JAZF1: variants seen among roughly 807,000 people sequenced by gnomAD.
JAZF1 encodes the protein JAZF zinc finger 1, also known as juxtaposed with another zinc finger protein 1.
JAZF1 carries 8 observed loss-of-function variants against 26.4 expected under a neutral mutation model. The ratio of observed to expected loss-of-function variants is 0.30; its 90% CI spans 0.18 to 0.55. The LOEUF is 0.55. JAZF1 is among the 20% of genes least tolerant of loss of function. JAZF1 has a pLI of 0.94. For synonymous variants in JAZF1, 126 were observed against 122.3 expected (o/e 1.03, Z -0.20); for missense variants, 199 against 322.0 (o/e 0.62, Z 2.92).
intron 1 of JAZF1, among the ~76,000 whole-genome samples, chr7:28,066,723 G>A (rs906844121): frequency 7.3e-5 from 11 of 151,484 alleles, no homozygotes; most frequent in African/African-American, 2.7e-4. Flanking sequence ...AGAAGTGTCT[G>A]TGCTTGCCTC....
chr7:28,144,236 T>C (rs910022464), intron 1 of JAZF1, among the ~76,000 whole-genome samples: 1 of 152,180 alleles, frequency 6.6e-6, no homozygotes. Context: ...GCTTAGCCCC[T>C]AGCCAGTAAT....
At chr7:28,079,235 C>T (rs906281636) in intron 1 of JAZF1, among the ~76,000 whole-genome samples, 6 of 152,192 alleles carry the variant, frequency 3.9e-5, no homozygotes, top group African/African-American at 1.2e-4. Flanking sequence ...TCAGGTGATC[C>T]GCCTGCTTGG....
chr7:27,846,718 C>G (rs963117254), intron 3 of JAZF1, among the ~76,000 whole-genome samples: 19 of 152,124 alleles, frequency 1.2e-4, no homozygotes, highest in African/African-American at 4.6e-4. Context: ...GTGATGCGCA[C>G]CTTTTCATAT....
At chr7:27,994,254 G>T (rs1016059694) in intron 1 of JAZF1, among the ~76,000 whole-genome samples, 1 of 152,112 alleles carries the variant, frequency 6.6e-6, no homozygotes, top group Non-Finnish European at 1.5e-5. Flanking sequence ...ACTGCATCTT[G>T]TAATCTTGAT....
chr7:27,988,012 CACTCCCTA>C, intron 2 of JAZF1, among the ~76,000 whole-genome samples: 1 of 152,114 alleles, frequency 6.6e-6, no homozygotes, highest in Non-Finnish European at 1.5e-5. Context: ...GAGTCATCAC[CACTCCCTA>C]ATCTCAAGTA....
intron 3 of JAZF1, among the ~76,000 whole-genome samples, chr7:27,852,130 C>CAT (rs1783162532): frequency 8.0e-6 from 1 of 125,256 alleles, no homozygotes; most frequent in Non-Finnish European, 1.8e-5. Flanking sequence ...ATAAACAGGA[C>CAT]TTTTTTTTTT....
chr7:27,849,772 C>CACACACACACAT (rs140580370), intron 3 of JAZF1, among the ~76,000 whole-genome samples: 2 of 147,012 alleles, frequency 1.4e-5, no homozygotes, highest in South Asian at 4.3e-4. Context: ...CACACACACA[C>CACACACACACAT]ACCCCTACAC....
rs572261793 is a variant in JAZF1 at position 28,103,028 on chromosome 7, C to T, written c.115+77435G>A. On this transcript the variant is annotated intron_variant, in intron 1 of 4. Coordinates refer to ENST00000283928, the MANE Select transcript of JAZF1 (RefSeq NM_175061.4). Reference sequence around the variant, plus strand: ...CTCATCTTGGGCCTCAGCTTACGACCGATTGATGTAACCATTTTTGCCCCA... The same window carrying T: ...CTCATCTTGGGCCTCAGCTTACGACTGATTGATGTAACCATTTTTGCCCCA... 4.6e-5 allele frequency among the ~76,000 whole-genome samples: 7 copies of T among 152,238 alleles called. No homozygotes were observed. The East Asian group carries it at 9.7e-4, about 21-fold the overall frequency.
intron 1 of JAZF1, among the ~76,000 whole-genome samples, chr7:28,036,884 C>T (rs1783303248): frequency 6.6e-6 from 1 of 152,136 alleles, no homozygotes; most frequent in African/African-American, 2.4e-5. Context: ...AGTGAATAAC[C>T]AGCAACCCTC....
At chr7:28,131,798 T>C (rs916403182) in intron 1 of JAZF1, among the ~76,000 whole-genome samples, 1 of 152,224 alleles carries the variant, frequency 6.6e-6, no homozygotes, top group Non-Finnish European at 1.5e-5. Flanking sequence ...GGCTGTTACT[T>C]TGCCATGGGC....
intron 1 of JAZF1, among the ~76,000 whole-genome samples, chr7:28,147,727 A>C (rs554529422): frequency 1.0e-4 from 15 of 148,866 alleles, no homozygotes; most frequent in African/African-American, 3.4e-4. Flanking sequence ...TACACACAAA[A>C]AAAAATTAGC....
chr7:28,108,579 A>C (rs1784591685), intron 1 of JAZF1, among the ~76,000 whole-genome samples: 1 of 152,230 alleles, frequency 6.6e-6, no homozygotes, highest in South Asian at 2.1e-4. Context: ...GGAGAAAATG[A>C]AACCCTTGTG....
intron 1 of JAZF1, among the ~76,000 whole-genome samples, chr7:28,156,216 G>A (rs997479554): frequency 7.9e-5 from 12 of 152,298 alleles, no homozygotes; most frequent in East Asian, 5.8e-4. Context: ...GGCATCAAGC[G>A]TCTGTTTTCC....
intron 1 of JAZF1, among the ~76,000 whole-genome samples, chr7:28,141,984 A>G (rs1782965988): frequency 6.6e-6 from 1 of 152,234 alleles, no homozygotes; most frequent in African/African-American, 2.4e-5. Context: ...AAATTATACT[A>G]CATCTGCAGA....
At chr7:28,094,821 C>G (rs994168648) in intron 1 of JAZF1, among the ~76,000 whole-genome samples, 1 of 152,090 alleles carries the variant, frequency 6.6e-6, no homozygotes, top group Non-Finnish European at 1.5e-5. Flanking sequence ...GACCAAGGGC[C>G]GAGCTGCGCC....
At chr7:27,984,039 C>T (rs892339817) in intron 2 of JAZF1, among the ~76,000 whole-genome samples, 2 of 152,174 alleles carry the variant, frequency 1.3e-5, no homozygotes, top group Non-Finnish European at 2.9e-5. Context: ...GAAACTGCAT[C>T]AACTAACAAG....
At chr7:28,031,971 G>A (rs1783201306) in intron 1 of JAZF1, among the ~76,000 whole-genome samples, 1 of 152,198 alleles carries the variant, frequency 6.6e-6, no homozygotes. Flanking sequence ...ATGGGAACCT[G>A]CAATGGGAGA....
chr7:27,838,855 A>AT (rs1782868893), intron 4 of JAZF1, among the ~76,000 whole-genome samples: 1 of 152,114 alleles, frequency 6.6e-6, no homozygotes, highest in Admixed American at 6.5e-5. Context: ...CCCTCGTGGG[A>AT]TCAGGACCAC....
chr7:27,973,296 G>GTATA (rs1433204677), intron 2 of JAZF1, among the ~76,000 whole-genome samples: 1 of 151,926 alleles, frequency 6.6e-6, no homozygotes, highest in African/African-American at 2.4e-5. Context: ...GTGTGTGTGT[G>GTATA]TATATATATT....
Sources: gnomAD v4.1 joint callset for allele counts (sites outside exome capture counted in the v4.1 genomes callset) on GRCh38, gnomAD v4.1.1 for gene constraint, MANE v1.5 for transcripts, NCBI Gene and HGNC (gene_info 2026-07-23, HGNC 2026-07-21) for gene names.